Variants in BRF1 observed in about 807,000 individuals in gnomAD.
The protein encoded by BRF1 is BRF1 general transcription factor IIIB subunit.
A neutral mutation model predicts 81.7 loss-of-function variants in BRF1; 59 were observed. The observed-to-expected ratio is 0.72, with a 90% confidence interval of 0.59 to 0.90. The LOEUF (loss-of-function observed/expected upper bound fraction) is 0.90. Ranked by LOEUF, BRF1 falls within the 40% of genes least tolerant of loss-of-function variation. The probability of loss-of-function intolerance (pLI) is 0.00; values close to 1 mark genes in which losing one functional copy is unlikely to be tolerated. For synonymous variants in BRF1, 491 were observed against 395.6 expected (o/e 1.24, Z -2.86); for missense variants, 1,050 against 936.3 (o/e 1.12, Z -1.58).
At chr14:105,211,936 G>A (rs765371562) in intron 16 of BRF1, 177 bp downstream of exon 16, 90 of 896,794 alleles carry the variant, frequency 1.0e-4, no homozygotes, top group Non-Finnish European at 1.4e-4. Context: ...TCCGGCAACC[G>A]GGAGCTCCCA....
At chr14:105,305,468 T>A (rs918874421), upstream of BRF1, among the ~76,000 whole-genome samples, 2 of 152,032 alleles carry the variant, frequency 1.3e-5, no homozygotes, top group African/African-American at 4.8e-5. Flanking sequence ...GCTTCCCCCA[T>A]GTGAGGATGC....
Position 105,210,713 on chromosome 14 carries a change from C to T in BRF1, c.1997-125G>A, listed in dbSNP as rs1294602446. 2.4e-5 allele frequency: 27 copies of T among 1,110,762 alleles called. No homozygotes were observed. Among genetic ancestry groups the T allele is most frequent in the Middle Eastern group, 2.7e-4 (1 of 3,644 alleles). The allele number at this position is 1,110,762 out of a possible 1,614,324, so 68.8% of individuals were successfully genotyped here. ...GGCTCCAGCCCCAGCCCCAGCCCCC[C>T]GCGCCCCGCCAGGAGCCATCTTGGG... On this transcript the variant is annotated intron_variant, in intron 17 of 17. Coordinates refer to ENST00000547530, the MANE Select transcript of BRF1 (RefSeq NM_001519.4). The surrounding 1 kb of genome is among the most constrained non-coding windows in gnomAD (Gnocchi z 4.7).
intron 1 of BRF1, among the ~76,000 whole-genome samples, chr14:105,292,043 C>T (rs1296115869): frequency 1.3e-5 from 2 of 152,126 alleles, no homozygotes; most frequent in Non-Finnish European, 2.9e-5. Flanking sequence ...CAGGCTAAAG[C>T]GCAGGGGCAC....
intron 14 of BRF1, among the ~76,000 whole-genome samples, chr14:105,218,018 C>T (rs1034988713): frequency 2.6e-5 from 4 of 152,134 alleles, no homozygotes; most frequent in Non-Finnish European, 4.4e-5. Flanking sequence ...GGGCACGTGG[C>T]CTGGCATGGG....
chr14:105,241,288 C>T lies in BRF1; in HGVS notation c.671G>A (p.Arg224His), dbSNP rs759137877. 5.6e-6 allele frequency: 9 copies of T among 1,612,062 alleles called. No individual in the cohort carries two copies. The highest frequency in any genetic ancestry group is 7.6e-6 in the Non-Finnish European group (9 of 1,179,838). The change falls in exon 6 of 18, where the codon CGC becomes CAC. Residue 224 changes from arginine (R) to histidine (H), a missense_variant. Physicochemically the swap from Arg to His is conservative, Grantham distance 29. Around this residue, in one of 2 missense-constraint regions of BRF1, gnomAD observed 1,043 missense variants for 915.4 expected, o/e 1.14. Coordinates refer to ENST00000547530, the MANE Select transcript of BRF1 (RefSeq NM_001519.4). ...ACCTGCTCCGCAGAGGCCCGAGGGG[C>T]GCCGGCCTGTGTGCATCCAGTCCCG... ...MKRDWMHTGR[R>H]PSGLCGAALL... is the part of the protein sequence containing the mutation.
At chr14:105,241,137 C>T in intron 6 of BRF1, 128 bp downstream of exon 6, 6 of 1,454,080 alleles carry the variant, frequency 4.1e-6, no homozygotes, top group Non-Finnish European at 4.6e-6. Flanking sequence ...AGAGTCAGCC[C>T]CGGGAGGCTG....
intron 7 of BRF1, 178 bp from the exon 8 acceptor site, chr14:105,226,938 G>C (rs976437716): frequency 7.2e-6 from 5 of 693,686 alleles, no homozygotes; most frequent in Admixed American, 3.4e-5. Context: ...GTGAGACTCT[G>C]TCTCTACCCA....
chr14:105,229,050 C>A (rs2054276783), intron 6 of BRF1, 137 bp from the exon 7 acceptor site: 2 of 777,546 alleles, frequency 2.6e-6, no homozygotes, highest in African/African-American at 1.7e-5. Flanking sequence ...GGCAGTGAGA[C>A]CCTCACTTGG....
At chr14:105,216,047 TACACAG>T (rs1306128886) in intron 15 of BRF1, among the ~76,000 whole-genome samples, 1 of 136,516 alleles carries the variant, frequency 7.3e-6, no homozygotes, top group African/African-American at 2.9e-5. Flanking sequence ...ACACACTGCG[TACACAG>T]ACACAGGCAC....
chr14:105,222,382 C>T (rs1199599036), intron 10 of BRF1: 1 of 155,384 alleles, frequency 6.4e-6, no homozygotes, highest in African/African-American at 2.4e-5. Flanking sequence ...CACAAGAAAA[C>T]ACAACCCAAT....
intron 5 of BRF1, chr14:105,248,960 G>A: frequency 1.0e-6 from 1 of 980,388 alleles, no homozygotes; most frequent in Non-Finnish European, 1.2e-6. Flanking sequence ...GGAAGGCCGG[G>A]CCGCGCAGCC....
intron 5 of BRF1, chr14:105,250,570 G>A (rs1203023022): frequency 1.9e-6 from 3 of 1,614,132 alleles, no homozygotes; most frequent in South Asian, 1.1e-5. Flanking sequence ...TGACGGAAGT[G>A]CAGTGTGGAA....
At position 105,300,587 on chromosome 14, in the gene BRF1, C is replaced by G. The variant is rs1290344105; in HGVS notation, c.43G>C (p.Glu15Gln). The change falls in exon 1 of 18, where the codon GAG (glutamate) becomes CAG (glutamine). Residue 15 changes from glutamate to glutamine, a missense_variant. By Grantham distance (29) the Glu-to-Gln change is conservative. Coordinates refer to ENST00000547530, the MANE Select transcript of BRF1 (RefSeq NM_001519.4). ...VCRGCGGTDI[E>Q]LDAARGDAVC... is the part of the protein sequence containing the mutation. ...GCGTCCCCGCGCGCCGCGTCCAGCT[C>G]GATGTCCGTGCCGCCGCAACCGCGG... The G allele has an allele frequency of 1.4e-6, 2 of 1,468,104 alleles. No individual in the cohort carries two copies. The highest frequency in any genetic ancestry group is 4.8e-5 in the Admixed American group (2 of 41,390). 90.9% of individuals were successfully genotyped at this position (1,468,104 alleles called of 1,614,324 possible).
At position 105,217,651 on chromosome 14, in the gene BRF1, G is replaced by A. The variant is rs1363924715; in HGVS notation, c.1665C>T (p.His555=). 2 of 1,613,310 alleles carry A rather than the reference G, an allele frequency of 1.2e-6. No homozygotes were observed. Among genetic ancestry groups the A allele is most frequent in the South Asian group, 1.1e-5 (1 of 91,086 alleles). ...TATGCTCGGGCTGTGCATCCTCCCTGTGCGGACTGCCCCCGCCGGCGCTGC... is the reference window on the plus strand; with the variant it reads ...TATGCTCGGGCTGTGCATCCTCCCTATGCGGACTGCCCCCGCCGGCGCTGC... ...GLSSAGGGSP[H]REDAQPEHSA... The change falls in exon 15 of 18, where the codon CAC becomes CAT. Residue 555 remains histidine (H), a synonymous_variant. Transcript: ENST00000547530.
chr14:105,263,566 C>A lies in BRF1; in HGVS notation c.440-7017G>T, dbSNP rs117310136. On this transcript the variant is annotated intron_variant, in intron 3 of 17. Coordinates refer to ENST00000547530, the MANE Select transcript of BRF1 (RefSeq NM_001519.4). ...CCTGCCACGATCCTTCAGCCGGGAA[C>A]CAAGACGGACCAGCAGCAACTGGAT... Among the ~76,000 whole-genome samples, 28 of 152,262 alleles carry A rather than the reference C, an allele frequency of 1.8e-4. 1 individual carries two copies. The East Asian group carries it at 5.4e-3, about 29-fold the overall frequency.
intron 11 of BRF1, among the ~76,000 whole-genome samples, chr14:105,220,872 A>T (rs1892172955): frequency 6.6e-6 from 1 of 152,232 alleles, no homozygotes; most frequent in Non-Finnish European, 1.5e-5. Flanking sequence ...TCCAGCCAGA[A>T]TGGCCCTTTC....
intron 5 of BRF1, chr14:105,249,251 G>A (rs587607838): frequency 6.4e-7 from 1 of 1,569,922 alleles, no homozygotes; most frequent in East Asian, 2.3e-5. Context: ...CCACAAGGTG[G>A]GTAGCGGCGG....
chr14:105,217,862 G>A (rs1595262965), intron 14 of BRF1, 62 bp from the exon 15 acceptor site: 3 of 1,581,228 alleles, frequency 1.9e-6, no homozygotes, highest in East Asian at 2.3e-5. Context: ...CACCATCAGG[G>A]GCTCCACGTG....
chr14:105,258,622 A>G (rs2056003683), intron 3 of BRF1, among the ~76,000 whole-genome samples: 1 of 149,932 alleles, frequency 6.7e-6, no homozygotes, highest in African/African-American at 2.5e-5. Context: ...ACATGGTGAA[A>G]CCCCGTCTCT....
Sources: allele counts gnomAD v4.1 joint callset (sites outside exome capture counted in the v4.1 genomes callset), GRCh38; gene constraint gnomAD v4.1.1; regional missense constraint gnomAD v4.1.1; non-coding constraint Gnocchi (gnomAD v3.1); transcripts MANE v1.5; gene names NCBI Gene and HGNC (gene_info 2026-07-23, HGNC 2026-07-21).